KCNQ3: variants seen among roughly 807,000 people sequenced by gnomAD.
KCNQ3 encodes potassium voltage-gated channel subfamily Q member 3.
A neutral mutation model predicts 92.5 loss-of-function variants in KCNQ3; 30 were observed. That is an observed-to-expected ratio of 0.32 (90% CI 0.24 to 0.44). The LOEUF (loss-of-function observed/expected upper bound fraction) is 0.44, where lower values mean the gene tolerates loss of function less well. KCNQ3 is among the 20% of genes least tolerant of loss of function. The pLI, the probability that KCNQ3 is intolerant of heterozygous loss-of-function variation, is 1.00. For missense variants in KCNQ3, 913 were observed against 1,140.3 expected, an observed-to-expected ratio of 0.80 and a Z score of 2.87; for synonymous variants, 450 against 468.8, an observed-to-expected ratio of 0.96 and a Z score of 0.52.
intron 2 of KCNQ3, 35 bp downstream of exon 2, chr8:132,186,056 C>G: frequency 6.5e-7 from 1 of 1,539,224 alleles, no homozygotes; most frequent in South Asian, 1.1e-5. Flanking sequence ...TCTGGAAGCC[C>G]AACCAGAAGC....
chr8:132,136,279 G>A (rs1023446251), intron 12 of KCNQ3, among the ~76,000 whole-genome samples: 2 of 152,142 alleles, frequency 1.3e-5, no homozygotes, highest in Admixed American at 6.5e-5. Flanking sequence ...GGACAGGGAA[G>A]CTGAGGCCCA....
intron 1 of KCNQ3, among the ~76,000 whole-genome samples, chr8:132,371,974 CAGGGT>C (rs761233130): frequency 1.6e-4 from 24 of 152,120 alleles, no homozygotes; most frequent in Non-Finnish European, 3.1e-4. Flanking sequence ...CCGTTTTGCA[CAGGGT>C]AGGTACAAAG....
intron 1 of KCNQ3, among the ~76,000 whole-genome samples, chr8:132,316,549 C>G (rs1817749154): frequency 6.6e-6 from 1 of 152,214 alleles, no homozygotes; most frequent in Non-Finnish European, 1.5e-5. Context: ...GAAGTACTAG[C>G]ACAGCATCTA....
intron 1 of KCNQ3, among the ~76,000 whole-genome samples, chr8:132,288,482 A>G (rs1032198992): frequency 6.6e-6 from 1 of 152,164 alleles, no homozygotes; most frequent in African/African-American, 2.4e-5. Context: ...CACTAACTCC[A>G]TAAGTCACCC....
At chr8:132,442,755 C>T (rs1210646823) in intron 1 of KCNQ3, among the ~76,000 whole-genome samples, 1 of 152,208 alleles carries the variant, frequency 6.6e-6, no homozygotes. Context: ...AAACCACTCC[C>T]ACAGTGCTCA....
At chr8:132,368,122 A>G (rs1819374375) in intron 1 of KCNQ3, among the ~76,000 whole-genome samples, 1 of 152,232 alleles carries the variant, frequency 6.6e-6, no homozygotes, top group Non-Finnish European at 1.5e-5. Context: ...CCAAGACTTT[A>G]TGTGAAATGA....
chr8:132,164,987 T>C (rs1029117648), intron 8 of KCNQ3, among the ~76,000 whole-genome samples: 5 of 152,198 alleles, frequency 3.3e-5, no homozygotes, highest in African/African-American at 1.2e-4. Flanking sequence ...TGAAGGCCCA[T>C]ACTCCACAGA....
chr8:132,257,655 G>A (rs553131779), intron 1 of KCNQ3, among the ~76,000 whole-genome samples: 80 of 148,270 alleles, frequency 5.4e-4, no homozygotes, highest in African/African-American at 1.9e-3. Context: ...GCTGAGACAG[G>A]AGAATCTCTT....
intron 1 of KCNQ3, among the ~76,000 whole-genome samples, chr8:132,218,594 C>T (rs1413300715): frequency 6.6e-6 from 1 of 152,180 alleles, no homozygotes; most frequent in East Asian, 1.9e-4. Flanking sequence ...TTATTATCCC[C>T]ATTTTACAGG....
intron 7 of KCNQ3, among the ~76,000 whole-genome samples, chr8:132,172,360 A>T (rs970289587): frequency 1.5e-4 from 23 of 151,380 alleles, no homozygotes; most frequent in African/African-American, 4.1e-4. Context: ...ACAAGTAAGC[A>T]TGTGCAAGCA....
At position 132,137,791 on chromosome 8, in the gene KCNQ3, C is replaced by A. The variant is rs1825152668; in HGVS notation, c.1700+94G>T. The A allele has an allele frequency of 2.1e-6, 3 of 1,449,206 alleles. No homozygotes were observed. In the Admixed American group the frequency reaches 5.1e-5, roughly 24 times the overall value. 89.8% of individuals were successfully genotyped at this position (1,449,206 alleles called of 1,614,324 possible). A position where few individuals can be genotyped will look rare whatever the true frequency, so the allele number is the denominator to read the frequency against. Reference sequence around the variant, plus strand: ...TTTGTCTTCTTAAAATCTCTCCCTGCATTTTGAATTATTTCTGAATACCTC... The same window carrying A: ...TTTGTCTTCTTAAAATCTCTCCCTGAATTTTGAATTATTTCTGAATACCTC... On this transcript the variant is annotated intron_variant, in intron 12 of 14. Coordinates refer to ENST00000388996, the MANE Select transcript of KCNQ3 (RefSeq NM_004519.4).
At chr8:132,445,316 G>A (rs1042963801) in intron 1 of KCNQ3, among the ~76,000 whole-genome samples, 2 of 152,150 alleles carry the variant, frequency 1.3e-5, no homozygotes, top group African/African-American at 2.4e-5. Context: ...TGTGAGCAAA[G>A]GTGAGGAGGA....
At chr8:132,228,369 T>C (rs1436895064) in intron 1 of KCNQ3, among the ~76,000 whole-genome samples, 1 of 151,922 alleles carries the variant, frequency 6.6e-6, no homozygotes, top group Non-Finnish European at 1.5e-5. Flanking sequence ...CACTGAGTTA[T>C]TGAGAGAGAG....
chr8:132,415,368 G>A (rs1490440873), intron 1 of KCNQ3, among the ~76,000 whole-genome samples: 1 of 152,184 alleles, frequency 6.6e-6, no homozygotes, highest in East Asian at 1.9e-4. Context: ...GGTGTCTCTT[G>A]CCCTGGCATT....
intron 8 of KCNQ3, among the ~76,000 whole-genome samples, chr8:132,169,212 G>A (rs1826234398): frequency 1.3e-5 from 2 of 152,056 alleles, no homozygotes; most frequent in African/African-American, 4.8e-5. Flanking sequence ...CCACCCCAGG[G>A]GCTCCTGTTC....
intron 1 of KCNQ3, among the ~76,000 whole-genome samples, chr8:132,297,565 C>T (rs1333404863): frequency 6.6e-6 from 1 of 151,902 alleles, no homozygotes; most frequent in Non-Finnish European, 1.5e-5. Context: ...AAAAACTAAC[C>T]CTATGTCATA....
intron 4 of KCNQ3, among the ~76,000 whole-genome samples, chr8:132,176,581 G>C (rs1454815695): frequency 1.3e-5 from 2 of 152,200 alleles, no homozygotes; most frequent in Non-Finnish European, 2.9e-5. Flanking sequence ...CGGCCAGTCA[G>C]CTGGCCCTTC....
chr8:132,322,671 G>C (rs1440163324), intron 1 of KCNQ3, among the ~76,000 whole-genome samples: 1 of 152,138 alleles, frequency 6.6e-6, no homozygotes, highest in Non-Finnish European at 1.5e-5. Context: ...GGCGAAACTG[G>C]GCAGGCAGAC....
At chr8:132,270,316 T>C (rs1816111204) in intron 1 of KCNQ3, among the ~76,000 whole-genome samples, 1 of 152,214 alleles carries the variant, frequency 6.6e-6, no homozygotes, top group South Asian at 2.1e-4. Flanking sequence ...TCCAACTACA[T>C]GCAAGAGAAT....
Sources: gnomAD v4.1 joint callset for allele counts (sites outside exome capture counted in the v4.1 genomes callset) on GRCh38, gnomAD v4.1.1 for gene constraint, MANE v1.5 for transcripts, NCBI Gene and HGNC (gene_info 2026-07-23, HGNC 2026-07-21) for gene names.